Variants in YIPF5 observed in about 807,000 individuals in gnomAD.
The protein encoded by YIPF5 is Yip1 domain family member 5.
Under a neutral mutation model 30.4 loss-of-function variants are expected in YIPF5, and 8 were observed. That is an observed-to-expected ratio of 0.26 (90% CI 0.15 to 0.47). The LOEUF is 0.47. YIPF5 is among the 20% of genes least tolerant of loss of function. The pLI is 0.99. For missense variants in YIPF5, 282 were observed against 301.8 expected (o/e 0.93, Z 0.49); for synonymous variants, 104 against 107.9 (o/e 0.96, Z 0.23).
In YIPF5 at chr5:144,158,707, T is replaced by A. The variant is rs958368702; in HGVS notation, c.*1690A>T. On this transcript the variant is annotated 3_prime_UTR_variant, in exon 6 of 6. Transcript: ENST00000274496. ...CAAATTACCTTCCAAATTGCTTTTT[T>A]AAAGCAATTTGGTAAGTTTGAAAAC... is the stretch of plus-strand genomic sequence containing the variant. The A allele has an allele frequency of 1.9e-5, 19 of 1,016,908 alleles. No individual in the cohort carries two copies. Among genetic ancestry groups the A allele is most frequent in the South Asian group, 7.6e-5 (2 of 26,256 alleles). The allele number at this position is 1,016,908 out of a possible 1,614,324, so 63.0% of individuals were successfully genotyped here. A position where few individuals can be genotyped will look rare whatever the true frequency, so the allele number is the denominator to read the frequency against.
At position 144,160,352 on chromosome 5, in the gene YIPF5, T is replaced by G; in HGVS notation, c.*45A>C. 2 of 1,584,014 alleles carry G rather than the reference T, an allele frequency of 1.3e-6. No homozygotes were observed. The highest frequency in any genetic ancestry group is 4.5e-5 in the East Asian group (2 of 44,398). On this transcript the variant is annotated 3_prime_UTR_variant, in exon 6 of 6. Coordinates refer to ENST00000274496, the MANE Select transcript of YIPF5 (RefSeq NM_030799.9). ...GGTCCAATTTAAGAGTTCAAGGTCC[T>G]TTTTGTACATCTGGCCCACTGATGT...
chr5:144,162,344 C>A lies in YIPF5; in HGVS notation c.485G>T (p.Gly162Val). 6.2e-7 allele frequency: 1 copy of A among 1,614,072 alleles called. No individual in the cohort carries two copies. Among genetic ancestry groups the A allele is most frequent in the South Asian group, 1.1e-5 (1 of 91,082 alleles). Reference sequence around the variant, plus strand: ...CATTAAGTTTAATAAACAAAACATTCCTAGACATCCAATTGCACTGATCCC... The same window carrying A: ...CATTAAGTTTAATAAACAAAACATTACTAGACATCCAATTGCACTGATCCC... The part of the protein sequence containing the change: ...VYGISAIGCL[G>V]MFCLLNLMSM... The change falls in exon 5 of 6, where the codon GGA (glycine) becomes GTA (valine). Residue 162 changes from glycine to valine, a missense_variant. Coordinates refer to ENST00000274496, the MANE Select transcript of YIPF5 (RefSeq NM_030799.9).
rs910059866 is a variant in YIPF5 at position 144,159,049 on chromosome 5, A to G, written c.*1348T>C. On this transcript the variant is annotated 3_prime_UTR_variant, in exon 6 of 6. Coordinates refer to ENST00000274496, the MANE Select transcript of YIPF5 (RefSeq NM_030799.9). ...AGTATACAAGATACAGTATTTTCCT[A>G]CAGATTCTCTCTGGCAAGAGAACAT... 5 of 984,222 alleles carry G rather than the reference A, an allele frequency of 5.1e-6. No homozygotes were observed. Among genetic ancestry groups the G allele is most frequent in the African/African-American group, 3.5e-5 (2 of 57,196 alleles). 61.0% of individuals were successfully genotyped at this position (984,222 alleles called of 1,614,324 possible). A position where few individuals can be genotyped will look rare whatever the true frequency, so the allele number is the denominator to read the frequency against.
At chr5:144,165,354 A>G (rs539094900) in intron 3 of YIPF5, 78 bp downstream of exon 3, 989 of 1,530,020 alleles carry the variant, frequency 6.5e-4, no homozygotes, top group Non-Finnish European at 7.9e-4. Context: ...GGAAAAGACA[A>G]TTTCTCCAAA....
At chr5:144,163,028 TTTGA>T (rs752810574) in intron 4 of YIPF5, among the ~76,000 whole-genome samples, 1 of 152,172 alleles carries the variant, frequency 6.6e-6, no homozygotes, top group Non-Finnish European at 1.5e-5. Context: ...TATACATCCC[TTTGA>T]TTAAGAAAAG....
intron 5 of YIPF5, among the ~76,000 whole-genome samples, chr5:144,161,333 CTTTTTTTTTTTTT>C (rs57703406): frequency 6.2e-5 from 4 of 64,684 alleles, no homozygotes; most frequent in Non-Finnish European, 1.1e-4. Context: ...CCTTTCCTTC[CTTTTTTTTTTTTT>C]TTTTTTTTTT....
chr5:144,159,074 T>C lies in YIPF5; in HGVS notation c.*1323A>G, dbSNP rs1036143727. ...ACAGATTCTCTCTGGCAAGAGAACA[T>C]GACAATATAAATCAAATAAATTTAA... is the stretch of plus-strand genomic sequence containing the variant. On this transcript the variant is annotated 3_prime_UTR_variant, in exon 6 of 6. Transcript: ENST00000274496. 2.0e-6 allele frequency: 2 copies of C among 983,240 alleles called. No individual in the cohort carries two copies. The highest frequency in any genetic ancestry group is 2.4e-6 in the Non-Finnish European group (2 of 828,106). 60.9% of individuals were successfully genotyped at this position (983,240 alleles called of 1,614,324 possible).
chr5:144,164,065 A>C (rs1225313776), intron 4 of YIPF5, 46 bp downstream of exon 4: 1 of 1,597,392 alleles, frequency 6.3e-7, no homozygotes, highest in Non-Finnish European at 8.5e-7. Flanking sequence ...TAAAATTTAA[A>C]GGCTGTTCTT....
chr5:144,166,931 T>C (rs2126761487), intron 2 of YIPF5, among the ~76,000 whole-genome samples: 1 of 152,310 alleles, frequency 6.6e-6, no homozygotes, highest in East Asian at 1.9e-4. Flanking sequence ...TTGATGCCAC[T>C]ACCTTGATTC....
In YIPF5 at chr5:144,159,004, T is replaced by G. The variant is rs1751950304; in HGVS notation, c.*1393A>C. 1.0e-6 allele frequency: 1 copy of G among 985,090 alleles called. No homozygotes were observed. Among genetic ancestry groups the G allele is most frequent in the Non-Finnish European group, 1.2e-6 (1 of 829,780 alleles). 61.0% of individuals were successfully genotyped at this position (985,090 alleles called of 1,614,324 possible). On this transcript the variant is annotated 3_prime_UTR_variant, in exon 6 of 6. Coordinates refer to ENST00000274496, the MANE Select transcript of YIPF5 (RefSeq NM_030799.9). ...TTTGTCCAGAATCAGAGACAGTTTTTCTAGAAAAAGCCAATGATCAGTATA... is the reference window on the plus strand; with the variant it reads ...TTTGTCCAGAATCAGAGACAGTTTTGCTAGAAAAAGCCAATGATCAGTATA...
chr5:144,160,635 C>A, intron 5 of YIPF5, 76 bp from the exon 6 acceptor site: 1 of 1,231,942 alleles, frequency 8.1e-7, no homozygotes, highest in Non-Finnish European at 1.1e-6. Context: ...ACTACAATAA[C>A]CTATTCTAAA....
chr5:144,161,425 A>G (rs1024055810), intron 5 of YIPF5, among the ~76,000 whole-genome samples: 1 of 137,450 alleles, frequency 7.3e-6, no homozygotes, highest in Non-Finnish European at 1.5e-5. Flanking sequence ...GCTCACTGCA[A>G]CCTCTGCCTC....
At chr5:144,168,459 T>C (rs752851502) in intron 2 of YIPF5, among the ~76,000 whole-genome samples, 9 of 152,166 alleles carry the variant, frequency 5.9e-5, no homozygotes, top group Non-Finnish European at 7.4e-5. Context: ...AAGGATTTAT[T>C]AGATGGACTC....
In YIPF5 at chr5:144,169,949, C is replaced by T; in HGVS notation, c.7G>A (p.Gly3Ser). ...AAATCCGTGTTTAAGTTTTCAAAGCCTGACATTGCAAATAATCTGTAATAA... is the reference window on the plus strand; with the variant it reads ...AAATCCGTGTTTAAGTTTTCAAAGCTTGACATTGCAAATAATCTGTAATAA... MS[G>S]FENLNTDFYQ... is the part of the protein sequence containing the mutation. Residue 3 changes from glycine (G) to serine (S), a missense_variant, in exon 2 of 6, where the codon GGC becomes AGC. Coordinates refer to ENST00000274496, the MANE Select transcript of YIPF5 (RefSeq NM_030799.9). 6.2e-7 allele frequency: 1 copy of T among 1,613,922 alleles called. No individual in the cohort carries two copies. Among genetic ancestry groups the T allele is most frequent in the Non-Finnish European group, 8.5e-7 (1 of 1,179,784 alleles).
intron 3 of YIPF5, 81 bp from the exon 4 acceptor site, chr5:144,164,337 A>C: frequency 7.9e-7 from 1 of 1,259,822 alleles, no homozygotes. Context: ...GAAACAAGAG[A>C]CAAAATGACA....
Position 144,170,655 on chromosome 5 carries a change from CT to C in YIPF5, c.-132del, listed in dbSNP as rs1561517118. On this transcript the variant is annotated 5_prime_UTR_variant, in exon 1 of 6. Transcript: ENST00000274496. ...TACGTGTCACAGGGCCAAAGAACGG[CT>C]TCCGGGGCACGCCCGCTCGCGCAGG... 1 of 152,570 alleles carries C rather than the reference CT, an allele frequency of 6.6e-6. No individual in the cohort carries two copies. The highest frequency in any genetic ancestry group is 1.5e-5 in the Non-Finnish European group (1 of 68,318). 9.5% of individuals were successfully genotyped at this position (152,570 alleles called of 1,614,324 possible). A position where few individuals can be genotyped will look rare whatever the true frequency, so the allele number is the denominator to read the frequency against.
chr5:144,162,150 T>C, intron 5 of YIPF5, 68 bp downstream of exon 5: 2 of 1,506,942 alleles, frequency 1.3e-6, no homozygotes, highest in Non-Finnish European at 1.8e-6. Context: ...TATCTCAAAC[T>C]GAAGATGAGG....
chr5:144,169,997 T>C, intron 1 of YIPF5, 32 bp from the exon 2 acceptor site: 2 of 1,559,534 alleles, frequency 1.3e-6, no homozygotes, highest in Non-Finnish European at 1.8e-6. Flanking sequence ...AAATATTCCT[T>C]ATGCCCAAGG....
Position 144,159,184 on chromosome 5 carries a change from T to C in YIPF5, c.*1213A>G, listed in dbSNP as rs374925033. The C allele has an allele frequency of 3.0e-6, 3 of 985,050 alleles. No homozygotes were observed. The highest frequency in any genetic ancestry group is 3.5e-5 in the African/African-American group (2 of 57,222). The allele number at this position is 985,050 out of a possible 1,614,324, so 61.0% of individuals were successfully genotyped here. A position where few individuals can be genotyped will look rare whatever the true frequency, so the allele number is the denominator to read the frequency against. On this transcript the variant is annotated 3_prime_UTR_variant, in exon 6 of 6. Transcript: ENST00000274496. Reference sequence around the variant, plus strand: ...TTAGCTGATTTCTATTCTTAAAGCTTAAATTAGGGGTCAAAATCAGAGCCT... The same window carrying C: ...TTAGCTGATTTCTATTCTTAAAGCTCAAATTAGGGGTCAAAATCAGAGCCT...
Sources: allele counts gnomAD v4.1 joint callset (sites outside exome capture counted in the v4.1 genomes callset), GRCh38; gene constraint gnomAD v4.1.1; transcripts MANE v1.5; gene names NCBI Gene and HGNC (gene_info 2026-07-23, HGNC 2026-07-21).